The following CPNE8 variants were observed in gnomAD, a reference collection of about 807,000 sequenced individuals.
The protein encoded by CPNE8 is copine 8.
In CPNE8, 45 loss-of-function variants were observed where a neutral mutation model predicts 81.5. The ratio of observed to expected loss-of-function variants is 0.55; its 90% confidence interval spans 0.44 to 0.71. CPNE8 has a LOEUF of 0.71. Among genes scored for constraint, CPNE8 ranks in the 30% least tolerant of loss-of-function variants. The probability of loss-of-function intolerance (pLI) is 0.00; values close to 1 mark genes in which losing one functional copy is unlikely to be tolerated. For missense variants in CPNE8, 594 were observed against 672.1 expected (o/e 0.88, Z 1.28); for synonymous variants, 252 against 226.3 (o/e 1.11, Z -1.02).
chr12:38,839,839 A>C, intron 5 of CPNE8, 77 bp downstream of exon 5: 1 of 1,270,508 alleles, frequency 7.9e-7, no homozygotes, highest in East Asian at 2.7e-5. Context: ...TAGATGTATA[A>C]CTTTAATATT....
chr12:38,894,055 C>T (rs1234043353), intron 1 of CPNE8, among the ~76,000 whole-genome samples: 7 of 152,080 alleles, frequency 4.6e-5, no homozygotes, highest in African/African-American at 1.4e-4. Context: ...AATTATGAAC[C>T]TCCAAGTAAT....
chr12:38,703,025 C>T (rs192238630), intron 13 of CPNE8, 104 bp from the exon 14 acceptor site: 71 of 791,178 alleles, frequency 9.0e-5, no homozygotes, highest in African/African-American at 7.6e-4. Context: ...TTTTCTCAAA[C>T]GTTAATTAAG....
At chr12:38,811,389 C>T (rs1437692483) in intron 6 of CPNE8, among the ~76,000 whole-genome samples, 2 of 151,996 alleles carry the variant, frequency 1.3e-5, no homozygotes, top group Non-Finnish European at 2.9e-5. Context: ...ATAAAATTGA[C>T]ATAGCAATAA....
intron 11 of CPNE8, among the ~76,000 whole-genome samples, chr12:38,727,934 T>C (rs74087374): frequency 0.035 from 5,340 of 152,244 alleles, 293 homozygotes; most frequent in African/African-American, 0.12. Flanking sequence ...TGTTGGAGCA[T>C]ATAAGGAGTG....
rs537818947 is a variant in CPNE8, at chr12:38,652,433, A to G, written c.*1449T>C. 28 of 152,746 alleles carry G rather than the reference A, an allele frequency of 1.8e-4. No individual in the cohort carries two copies. The highest frequency in any genetic ancestry group is 6.7e-4 in the African/African-American group (28 of 41,590). 9.5% of individuals were successfully genotyped at this position (152,746 alleles called of 1,614,324 possible). On this transcript the variant is annotated 3_prime_UTR_variant, in exon 20 of 20. Coordinates refer to ENST00000331366, the MANE Select transcript of CPNE8 (RefSeq NM_153634.3). ...AGTTATATAACATTGATACTGTTAG[A>G]TATGTGGATGTATATATTTTTCTTT...
At chr12:38,794,746 T>C (rs542119092) in intron 6 of CPNE8, among the ~76,000 whole-genome samples, 3 of 152,174 alleles carry the variant, frequency 2.0e-5, no homozygotes, top group East Asian at 1.9e-4. Flanking sequence ...GCAATTGCTA[T>C]AGAAAACAGT....
intron 6 of CPNE8, among the ~76,000 whole-genome samples, chr12:38,794,161 C>T (rs1368992401): frequency 3.3e-5 from 5 of 151,992 alleles, no homozygotes; most frequent in Non-Finnish European, 2.9e-5. Flanking sequence ...GATACGACAC[C>T]AAAAGTACAG....
At chr12:38,860,671 G>A (rs1943818006) in intron 3 of CPNE8, among the ~76,000 whole-genome samples, 1 of 152,002 alleles carries the variant, frequency 6.6e-6, no homozygotes, top group South Asian at 2.1e-4. Flanking sequence ...GCCTTTAAAA[G>A]GAAGGAAATC....
At chr12:38,842,569 CTTTT>C (rs769891980) in intron 4 of CPNE8, among the ~76,000 whole-genome samples, 4 of 110,830 alleles carry the variant, frequency 3.6e-5, no homozygotes, top group Non-Finnish European at 7.1e-5. Flanking sequence ...AACATTTTTC[CTTTT>C]TTTTTTTTTT....
At chr12:38,756,616 A>G (rs1422067927) in intron 10 of CPNE8, among the ~76,000 whole-genome samples, 2 of 152,246 alleles carry the variant, frequency 1.3e-5, no homozygotes, top group African/African-American at 4.8e-5. Flanking sequence ...TTGAAAGAGC[A>G]CATTGCCTTA....
chr12:38,805,675 A>C (rs549328201), intron 6 of CPNE8, among the ~76,000 whole-genome samples: 3,711 of 35,902 alleles, frequency 0.1, 299 homozygotes, highest in East Asian at 0.55. Flanking sequence ...AAAAAAAAAC[A>C]TTAAAAAAAA....
At chr12:38,796,076 C>A (rs1256755031) in intron 6 of CPNE8, among the ~76,000 whole-genome samples, 1 of 152,268 alleles carries the variant, frequency 6.6e-6, no homozygotes. Flanking sequence ...GCCTGGTCAA[C>A]ATGGTGAAGG....
intron 6 of CPNE8, among the ~76,000 whole-genome samples, chr12:38,782,762 C>T (rs1942083232): frequency 6.6e-6 from 1 of 151,644 alleles, no homozygotes; most frequent in African/African-American, 2.4e-5. Flanking sequence ...CTCACTTAAG[C>T]CTCAAATTCC....
At chr12:38,898,753 T>C (rs746105210) in intron 1 of CPNE8, among the ~76,000 whole-genome samples, 3 of 152,196 alleles carry the variant, frequency 2.0e-5, no homozygotes, top group Non-Finnish European at 4.4e-5. Context: ...TCACCGCAGA[T>C]CATTAGAACA....
chr12:38,787,645 C>T (rs1225173708), intron 6 of CPNE8, among the ~76,000 whole-genome samples: 1 of 151,224 alleles, frequency 6.6e-6, no homozygotes, highest in Non-Finnish European at 1.5e-5. Context: ...AATACAAAAG[C>T]TCAATGAAAC....
At chr12:38,760,812 C>T in intron 10 of CPNE8, 35 bp downstream of exon 10, 2 of 1,529,260 alleles carry the variant, frequency 1.3e-6, no homozygotes, top group East Asian at 2.3e-5. Context: ...TAAAGTACAC[C>T]CAGTTCAAGA....
chr12:38,777,933 T>C (rs1941968778), intron 6 of CPNE8, among the ~76,000 whole-genome samples: 1 of 152,150 alleles, frequency 6.6e-6, no homozygotes, highest in South Asian at 2.1e-4. Flanking sequence ...CATAGGAACG[T>C]GAACCCTATT....
chr12:38,721,944 C>T (rs1437474729), intron 13 of CPNE8, among the ~76,000 whole-genome samples: 1 of 152,194 alleles, frequency 6.6e-6, no homozygotes, highest in Non-Finnish European at 1.5e-5. Context: ...GGCTGGATCT[C>T]ACGCTCACAC....
chr12:38,717,066 T>C (rs1469746733), intron 13 of CPNE8, among the ~76,000 whole-genome samples: 1 of 151,688 alleles, frequency 6.6e-6, no homozygotes, highest in East Asian at 1.9e-4. Context: ...ATCAGAGAAA[T>C]GCAAATTAAA....
Sources: allele counts gnomAD v4.1 joint callset (sites outside exome capture counted in the v4.1 genomes callset), GRCh38; gene constraint gnomAD v4.1.1; transcripts MANE v1.5; gene names NCBI Gene and HGNC (gene_info 2026-07-23, HGNC 2026-07-21).